The following SLC9A9 variants were observed in gnomAD, a reference collection of about 807,000 sequenced individuals.
The protein encoded by SLC9A9 is sodium/hydrogen exchanger 9.
Under a neutral mutation model 77.8 loss-of-function variants are expected in SLC9A9, and 62 were observed. That is an observed-to-expected ratio of 0.80 (90% confidence interval 0.65 to 0.98). The LOEUF (loss-of-function observed/expected upper bound fraction) is 0.98, where lower values mean the gene tolerates loss of function less well. Ranked by LOEUF, SLC9A9 falls within the 50% of genes least tolerant of loss-of-function variation. SLC9A9 has a pLI of 0.00. For missense variants in SLC9A9, 775 were observed against 774.9 expected, an observed-to-expected ratio of 1.00 and a Z score of 0.00; for synonymous variants, 320 against 283.5, an observed-to-expected ratio of 1.13 and a Z score of -1.29.
chr3:143,799,899 G>C (rs1325339755), intron 2 of SLC9A9, among the ~76,000 whole-genome samples: 2 of 152,034 alleles, frequency 1.3e-5, no homozygotes, highest in African/African-American at 4.8e-5. Context: ...TCTTTTCAAG[G>C]GCCTGTTTCC....
At chr3:143,269,522 A>T (rs1198069999) in intron 14 of SLC9A9, among the ~76,000 whole-genome samples, 1 of 152,238 alleles carries the variant, frequency 6.6e-6, no homozygotes, top group Non-Finnish European at 1.5e-5. Flanking sequence ...TATGTAAATA[A>T]GTCGGTGCTG....
At chr3:143,370,404 T>G (rs1468022828) in intron 13 of SLC9A9, among the ~76,000 whole-genome samples, 1 of 152,062 alleles carries the variant, frequency 6.6e-6, no homozygotes, top group Non-Finnish European at 1.5e-5. Flanking sequence ...GAAGATTAAA[T>G]ACAAAGACAA....
chr3:143,321,320 C>A (rs1229045709), intron 14 of SLC9A9, among the ~76,000 whole-genome samples: 2 of 152,320 alleles, frequency 1.3e-5, no homozygotes, highest in Middle Eastern at 3.4e-3. Flanking sequence ...TTAATCACAG[C>A]AGATTTATCA....
intron 14 of SLC9A9, among the ~76,000 whole-genome samples, chr3:143,347,831 C>T (rs1559877493): frequency 1.3e-5 from 2 of 151,958 alleles, no homozygotes; most frequent in Non-Finnish European, 2.9e-5. Context: ...AGGATTGTTC[C>T]AAAACCAAGA....
chr3:143,754,282 T>C (rs990008671), intron 4 of SLC9A9, among the ~76,000 whole-genome samples: 10 of 152,248 alleles, frequency 6.6e-5, no homozygotes, highest in African/African-American at 2.4e-4. Context: ...CCCAATATGG[T>C]AACCCCAGGG....
chr3:143,550,134 C>T (rs913401700), intron 9 of SLC9A9, among the ~76,000 whole-genome samples: 13 of 152,064 alleles, frequency 8.5e-5, no homozygotes, highest in African/African-American at 3.1e-4. Flanking sequence ...TGGGATGTGA[C>T]AAAGAGGGAT....
intron 9 of SLC9A9, among the ~76,000 whole-genome samples, chr3:143,531,219 T>C (rs374193326): frequency 1.3e-5 from 2 of 152,358 alleles, no homozygotes; most frequent in African/African-American, 4.8e-5. Context: ...ATGCCTCCGC[T>C]TGAGCATTTT....
intron 9 of SLC9A9, among the ~76,000 whole-genome samples, chr3:143,520,941 T>A (rs540928254): frequency 2.0e-5 from 3 of 152,236 alleles, no homozygotes; most frequent in Admixed American, 2.0e-4. Context: ...GCTTATCTCC[T>A]ATGGAACTGA....
At chr3:143,652,203 G>T in intron 6 of SLC9A9, 52 bp downstream of exon 6, 1 of 1,385,866 alleles carries the variant, frequency 7.2e-7, no homozygotes, top group Non-Finnish European at 1.0e-6. Context: ...AGATACAAGT[G>T]AAAGCATATT....
chr3:143,548,283 A>C (rs2036821124), intron 9 of SLC9A9, among the ~76,000 whole-genome samples: 1 of 151,882 alleles, frequency 6.6e-6, no homozygotes, highest in Non-Finnish European at 1.5e-5. Context: ...GCAAGCTCCC[A>C]GGCCTGTCTG....
intron 4 of SLC9A9, among the ~76,000 whole-genome samples, chr3:143,734,373 A>C (rs1415906868): frequency 1.3e-5 from 2 of 152,152 alleles, no homozygotes; most frequent in Non-Finnish European, 2.9e-5. Context: ...CTGTGTGTTT[A>C]TAAAATGTAT....
intron 2 of SLC9A9, among the ~76,000 whole-genome samples, chr3:143,830,306 A>G (rs1337781990): frequency 6.6e-6 from 1 of 152,186 alleles, no homozygotes; most frequent in Non-Finnish European, 1.5e-5. Flanking sequence ...AAGTTCATCT[A>G]GAAACTACTT....
rs1455327371 is a variant in SLC9A9, at chr3:143,848,434, T to C, written c.-112A>G. 3.6e-6 allele frequency: 5 copies of C among 1,382,752 alleles called. No homozygotes were observed. Among genetic ancestry groups the C allele is most frequent in the Non-Finnish European group, 5.1e-6 (5 of 978,550 alleles). 85.7% of individuals were successfully genotyped at this position (1,382,752 alleles called of 1,614,324 possible). ...GAATTTCAGAAGAAACACTGCCACT[T>C]TAGTTGCTACTTCACAAGCATTCTG... On this transcript the variant is annotated 5_prime_UTR_variant, in exon 1 of 16. Coordinates refer to ENST00000316549, the MANE Select transcript of SLC9A9 (RefSeq NM_173653.4).
In SLC9A9 at chr3:143,493,543, A is replaced by G. The variant is rs1274176677; in HGVS notation, c.1315+110T>C. On this transcript the variant is annotated intron_variant, in intron 11 of 15. Coordinates refer to ENST00000316549, the MANE Select transcript of SLC9A9 (RefSeq NM_173653.4). ...TCAGCATAGTGTTAGGTACAATGGGATAAAGAGAAGTTGTTTCCCCAAAAG... is the reference window on the plus strand; with the variant it reads ...TCAGCATAGTGTTAGGTACAATGGGGTAAAGAGAAGTTGTTTCCCCAAAAG... 3 of 900,004 alleles carry G rather than the reference A, an allele frequency of 3.3e-6. No homozygotes were observed. In the East Asian group the frequency reaches 7.6e-5, roughly 23 times the overall value. 55.8% of individuals were successfully genotyped at this position (900,004 alleles called of 1,614,324 possible). A position where few individuals can be genotyped will look rare whatever the true frequency, so the allele number is the denominator to read the frequency against.
At chr3:143,596,867 GC>G (rs2037761230) in intron 6 of SLC9A9, among the ~76,000 whole-genome samples, 1 of 152,046 alleles carries the variant, frequency 6.6e-6, no homozygotes, top group Non-Finnish European at 1.5e-5. Context: ...TCACTTTGTT[GC>G]CCAGGCTGGT....
chr3:143,680,441 C>T (rs1933050065), intron 5 of SLC9A9, among the ~76,000 whole-genome samples: 1 of 152,002 alleles, frequency 6.6e-6, no homozygotes, highest in African/African-American at 2.4e-5. Flanking sequence ...AAAGTATGTC[C>T]ATAATTAAAT....
intron 14 of SLC9A9, among the ~76,000 whole-genome samples, chr3:143,328,009 T>C (rs1576427478): frequency 6.6e-6 from 1 of 152,376 alleles, no homozygotes; most frequent in East Asian, 1.9e-4. Context: ...TTTTTTTCTG[T>C]ATGCACAAGT....
intron 9 of SLC9A9, among the ~76,000 whole-genome samples, chr3:143,531,527 T>C (rs2108621814): frequency 6.6e-6 from 1 of 152,342 alleles, no homozygotes; most frequent in South Asian, 2.1e-4. Context: ...GAAGTTTGTC[T>C]TAAAAACCTT....
At chr3:143,397,451 T>A (rs1053023985) in intron 12 of SLC9A9, among the ~76,000 whole-genome samples, 1 of 152,236 alleles carries the variant, frequency 6.6e-6, no homozygotes, top group African/African-American at 2.4e-5. Flanking sequence ...GAGCTTTATA[T>A]GTTGGTATGA....
Sources: gnomAD v4.1 joint callset for allele counts (sites outside exome capture counted in the v4.1 genomes callset) on GRCh38, gnomAD v4.1.1 for gene constraint, MANE v1.5 for transcripts, NCBI Gene and HGNC (gene_info 2026-07-23, HGNC 2026-07-21) for gene names.